GULP1: variants seen among roughly 807,000 people sequenced by gnomAD.
The protein encoded by GULP1 is PTB domain-containing engulfment adapter protein 1.
A neutral mutation model predicts 40.9 loss-of-function variants in GULP1; 19 were observed. The observed-to-expected ratio is 0.46, with a 90% confidence interval of 0.32 to 0.68. The LOEUF (loss-of-function observed/expected upper bound fraction) is 0.68, where lower values mean the gene tolerates loss of function less well. Among genes scored for constraint, GULP1 ranks in the 30% least tolerant of loss-of-function variants. The pLI is 0.03. For synonymous variants in GULP1, 119 were observed against 117.6 expected, an observed-to-expected ratio of 1.01 and a Z score of -0.08; for missense variants, 312 against 362.2, an observed-to-expected ratio of 0.86 and a Z score of 1.12.
At chr2:188,325,833 A>G (rs2040679881) in intron 1 of GULP1, among the ~76,000 whole-genome samples, 1 of 152,138 alleles carries the variant, frequency 6.6e-6, no homozygotes, top group African/African-American at 2.4e-5. Flanking sequence ...AAATTATGTA[A>G]TGAGCATAAA....
Position 188,591,766 on chromosome 2 carries a change from A to G in GULP1, c.844-2174A>G, listed in dbSNP as rs1218441607. ...TAAAAATGTATAGATAGAAAAAAAG[A>G]CATACCTCAAAATGTAGTGATTTTT... is the stretch of plus-strand genomic sequence containing the variant. On this transcript the variant is annotated intron_variant, in intron 11 of 11. Transcript: ENST00000409830. 2.0e-5 allele frequency: 3 copies of G among 151,894 alleles called. No individual in the cohort carries two copies. The East Asian group carries it at 5.8e-4, about 29-fold the overall frequency. The allele number at this position is 151,894 out of a possible 1,614,324, so 9.4% of individuals were successfully genotyped here.
intron 1 of GULP1, among the ~76,000 whole-genome samples, chr2:188,366,471 A>G (rs2046798569): frequency 6.6e-6 from 1 of 152,032 alleles, no homozygotes; most frequent in African/African-American, 2.4e-5. Context: ...CATCTATTGC[A>G]TCTGAACTAG....
At chr2:188,372,003 TG>T (rs1384427653) in intron 1 of GULP1, among the ~76,000 whole-genome samples, 11 of 59,286 alleles carry the variant, frequency 1.9e-4, no homozygotes, top group Non-Finnish European at 2.8e-4. Flanking sequence ...GCTACATCAT[TG>T]ATTTTTCCAA....
chr2:188,389,087 C>A (rs571016095), intron 2 of GULP1, among the ~76,000 whole-genome samples: 1 of 152,204 alleles, frequency 6.6e-6, no homozygotes, highest in African/African-American at 2.4e-5. Flanking sequence ...AAGAAACAGG[C>A]CTTTTGTTTA....
At chr2:188,306,067 C>G (rs10179836) in intron 1 of GULP1, among the ~76,000 whole-genome samples, 23,138 of 152,068 alleles carry the variant, frequency 0.15, 1,912 homozygotes, top group African/African-American at 0.17. Flanking sequence ...TGTGAGCCAC[C>G]GTGCCTGGCC....
intron 1 of GULP1, among the ~76,000 whole-genome samples, chr2:188,307,548 C>G (rs559453494): frequency 6.6e-6 from 1 of 151,176 alleles, no homozygotes; most frequent in African/African-American, 2.4e-5. Flanking sequence ...GAGAAAGCTA[C>G]TAAGTTTTTT....
chr2:188,522,520 T>A (rs1004698099), intron 4 of GULP1, among the ~76,000 whole-genome samples: 1,603 of 152,072 alleles, frequency 0.011, 24 homozygotes, highest in African/African-American at 0.036. Context: ...ACAAGTAAAA[T>A]ATTTAGAAAA....
At chr2:188,554,519 CT>C (rs200305841) in intron 7 of GULP1, among the ~76,000 whole-genome samples, 4,291 of 144,098 alleles carry the variant, frequency 0.03, 120 homozygotes, top group African/African-American at 0.066. Context: ...AAATTATTAT[CT>C]TTTTTTTTTT....
At chr2:188,425,990 TAC>T (rs1372620278) in intron 2 of GULP1, among the ~76,000 whole-genome samples, 1 of 152,204 alleles carries the variant, frequency 6.6e-6, no homozygotes, top group Non-Finnish European at 1.5e-5. Context: ...CCTGGATTGT[TAC>T]ACAGTCTCAG....
intron 1 of GULP1, among the ~76,000 whole-genome samples, chr2:188,354,125 A>G (rs2044913060): frequency 6.6e-6 from 1 of 151,996 alleles, no homozygotes; most frequent in Non-Finnish European, 1.5e-5. Flanking sequence ...GGCCCAAGCA[A>G]TAGCTACACT....
At position 188,569,288 on chromosome 2, in the gene GULP1, G is replaced by A. The variant is rs1559389395; in HGVS notation, c.449G>A (p.Arg150Lys). 6.2e-7 allele frequency: 1 copy of A among 1,605,888 alleles called. No homozygotes were observed. The highest frequency in any genetic ancestry group is 8.5e-7 in the Non-Finnish European group (1 of 1,172,756). ...TIGQAFDLAY[R>K]KFLESGGKDV... ...GGCCAAGCATTTGACCTGGCATACAGGAAATTTCTAGAATCAGGAGGAAAA... is the reference window on the plus strand; with the variant it reads ...GGCCAAGCATTTGACCTGGCATACAAGAAATTTCTAGAATCAGGAGGAAAA... The change falls in exon 8 of 12, where the codon AGG (arginine) becomes AAG (lysine). Residue 150 changes from arginine to lysine, a missense_variant. Physicochemically the swap from Arg to Lys is conservative, Grantham distance 26. Coordinates refer to ENST00000409830, the MANE Select transcript of GULP1 (RefSeq NM_016315.4).
intron 2 of GULP1, among the ~76,000 whole-genome samples, chr2:188,397,278 C>T (rs781335838): frequency 3.9e-5 from 6 of 152,096 alleles, no homozygotes; most frequent in Non-Finnish European, 5.9e-5. Context: ...TGAGTAGGTA[C>T]GTTTTTTACA....
intron 2 of GULP1, among the ~76,000 whole-genome samples, chr2:188,450,255 T>G (rs2058727028): frequency 6.6e-6 from 1 of 152,188 alleles, no homozygotes; most frequent in Non-Finnish European, 1.5e-5. Flanking sequence ...GTAGGGACTT[T>G]CAAGTTTACA....
intron 4 of GULP1, among the ~76,000 whole-genome samples, chr2:188,494,801 ATG>A (rs1338827012): frequency 6.6e-6 from 1 of 150,544 alleles, no homozygotes; most frequent in Non-Finnish European, 1.5e-5. Context: ...TTTTTTTTCT[ATG>A]TGCTCCTTTG....
intron 7 of GULP1, among the ~76,000 whole-genome samples, chr2:188,550,407 C>T (rs1280639781): frequency 6.6e-6 from 1 of 151,496 alleles, no homozygotes; most frequent in Non-Finnish European, 1.5e-5. Flanking sequence ...AACTGTTTAA[C>T]CATTATTTTG....
At chr2:188,333,868 A>G (rs960726742) in intron 1 of GULP1, among the ~76,000 whole-genome samples, 1 of 152,154 alleles carries the variant, frequency 6.6e-6, no homozygotes, top group Non-Finnish European at 1.5e-5. Context: ...GTTCTATAAT[A>G]AGCAGCTTAG....
Position 188,292,818 on chromosome 2 carries a change from C to CA in GULP1, c.-172+654dup, listed in dbSNP as rs1265008405. The CA allele has an allele frequency of 6.5e-6, 1 of 152,752 alleles. No individual in the cohort carries two copies. Among genetic ancestry groups the CA allele is most frequent in the Non-Finnish European group, 1.5e-5 (1 of 68,562 alleles). 9.5% of individuals were successfully genotyped at this position (152,752 alleles called of 1,614,324 possible). ...ATGGTTACCCTTCTGCTGCGCGGGT[C>CA]AAGTAGCTTCTTCTGGAGGGCGCAA... On this transcript the variant is annotated intron_variant, in intron 1 of 11. Transcript: ENST00000409830. The surrounding 1 kb of genome is among the most constrained non-coding windows in gnomAD (Gnocchi z 4.0).
intron 4 of GULP1, among the ~76,000 whole-genome samples, chr2:188,492,031 A>G (rs996569794): frequency 2.0e-5 from 3 of 152,032 alleles, no homozygotes; most frequent in Non-Finnish European, 2.9e-5. Flanking sequence ...AAACGTAAAC[A>G]TAGACTCCAG....
At chr2:188,510,517 A>G (rs1256705638) in intron 4 of GULP1, among the ~76,000 whole-genome samples, 1 of 152,128 alleles carries the variant, frequency 6.6e-6, no homozygotes, top group Non-Finnish European at 1.5e-5. Flanking sequence ...TTCCTTATAT[A>G]GCAATATATT....
Sources: gnomAD v4.1 joint callset for allele counts (sites outside exome capture counted in the v4.1 genomes callset) on GRCh38, gnomAD v4.1.1 for gene constraint, Gnocchi (gnomAD v3.1) non-coding constraint, MANE v1.5 for transcripts, NCBI Gene and HGNC (gene_info 2026-07-23, HGNC 2026-07-21) for gene names.